The following CTNND2 variants were observed in gnomAD, a reference collection of about 807,000 sequenced individuals.
The protein encoded by CTNND2 is catenin delta 2.
In CTNND2, 22 loss-of-function variants were observed where a neutral mutation model predicts 144.4. The ratio of observed to expected loss-of-function variants is 0.15; its 90% CI spans 0.11 to 0.22. The LOEUF is 0.22. Ranked by LOEUF, CTNND2 falls within the 10% of genes least tolerant of loss-of-function variation. The pLI is 1.00. For synonymous variants in CTNND2, 751 were observed against 695.6 expected (o/e 1.08, Z -1.25); for missense variants, 1,353 against 1,618.8 (o/e 0.84, Z 2.82).
At chr5:11,372,978 T>A (rs1414305062) in intron 7 of CTNND2, among the ~76,000 whole-genome samples, 1 of 152,230 alleles carries the variant, frequency 6.6e-6, no homozygotes, top group African/African-American at 2.4e-5. Context: ...ACTCCTGCTT[T>A]GTTAGGCAAA....
chr5:11,364,776 T>C lies in CTNND2; in HGVS notation c.1292A>G (p.Lys431Arg), dbSNP rs1347994369. The C allele has an allele frequency of 6.2e-7, 1 of 1,613,892 alleles. No homozygotes were observed. The highest frequency in any genetic ancestry group is 1.3e-5 in the African/African-American group (1 of 75,020). ...DPIYEDRVYQ[K>R]PPMRSLSQSQ... The stretch of plus-strand genomic sequence containing the variant: ...CTGGCTGAGACTCCTCATAGGGGGC[T>C]TCTGATAGACGCGGTCTTCATAGAT... The change falls in exon 8 of 22, where the codon AAG becomes AGG. Residue 431 changes from lysine to arginine, a missense_variant. Physicochemically the swap from Lys to Arg is conservative, Grantham distance 26. Coordinates refer to ENST00000304623, the MANE Select transcript of CTNND2 (RefSeq NM_001332.4).
At chr5:11,536,447 T>C (rs1774225848) in intron 3 of CTNND2, among the ~76,000 whole-genome samples, 1 of 152,150 alleles carries the variant, frequency 6.6e-6, no homozygotes, top group Non-Finnish European at 1.5e-5. Flanking sequence ...GCAGCACAGT[T>C]TGCAACTGCA....
chr5:11,003,503 A>G (rs1740173888), intron 18 of CTNND2, among the ~76,000 whole-genome samples: 2 of 152,220 alleles, frequency 1.3e-5, no homozygotes, highest in South Asian at 4.1e-4. Flanking sequence ...AAATATTTCA[A>G]ATTAGTGGCA....
intron 2 of CTNND2, among the ~76,000 whole-genome samples, chr5:11,640,783 G>A (rs573129652): frequency 2.6e-5 from 4 of 152,030 alleles, no homozygotes; most frequent in African/African-American, 9.7e-5. Flanking sequence ...TCTTAGGACT[G>A]CTTAGCTATT....
intron 2 of CTNND2, among the ~76,000 whole-genome samples, chr5:11,691,755 A>C (rs1461999087): frequency 1.3e-5 from 2 of 152,046 alleles, no homozygotes; most frequent in African/African-American, 4.8e-5. Context: ...TATTAGTTGG[A>C]TGTGGTGTTG....
intron 2 of CTNND2, among the ~76,000 whole-genome samples, chr5:11,624,291 A>C (rs2727619): frequency 0.058 from 8,763 of 152,182 alleles, 788 homozygotes; most frequent in African/African-American, 0.2. Context: ...CCAATACTGA[A>C]CAGTAGTCAC....
chr5:11,236,366 G>C (rs1741638261), intron 10 of CTNND2, among the ~76,000 whole-genome samples: 1 of 152,038 alleles, frequency 6.6e-6, no homozygotes, highest in African/African-American at 2.4e-5. Flanking sequence ...AGGATTTAGG[G>C]GCAGAGAAAA....
Position 11,199,578 on chromosome 5 carries a change from A to T in CTNND2, c.1845T>A (p.Ala615=). The change falls in exon 11 of 22, where the codon GCT becomes GCA. Residue 615 remains alanine, a synonymous_variant. Coordinates refer to ENST00000304623, the MANE Select transcript of CTNND2 (RefSeq NM_001332.4). ...CCTTCCCATACACCAGGTTTCTCAG[A>T]GCTCCACAGGCACTACGGTGGACTT... ...MTEVHRSACG[A]LRNLVYGKAN... 6.2e-7 allele frequency: 1 copy of T among 1,614,154 alleles called. No homozygotes were observed. The highest frequency in any genetic ancestry group is 1.1e-5 in the South Asian group (1 of 91,068).
intron 12 of CTNND2, among the ~76,000 whole-genome samples, 183 bp from the exon 13 acceptor site, chr5:11,117,750 T>A (rs1306205124): frequency 6.6e-6 from 1 of 152,136 alleles, no homozygotes; most frequent in Non-Finnish European, 1.5e-5. Context: ...CAGAGTTGGG[T>A]AAGTCACAGA....
chr5:11,379,199 T>C (rs1440215521), intron 7 of CTNND2, among the ~76,000 whole-genome samples: 2 of 152,234 alleles, frequency 1.3e-5, no homozygotes, highest in East Asian at 1.9e-4. Context: ...ACACATTCAA[T>C]AGGATGTCGA....
chr5:11,089,002 G>A (rs967846461), intron 15 of CTNND2, among the ~76,000 whole-genome samples: 2 of 152,188 alleles, frequency 1.3e-5, no homozygotes, highest in Non-Finnish European at 2.9e-5. Context: ...ACTTTCATAA[G>A]AGAACATATG....
In CTNND2 at chr5:11,200,559, C is replaced by T. The variant is rs147777089; in HGVS notation, c.1762-898G>A. ...TTATGCTTCACCGTTCTTCAGGGAT[C>T]GAAGGATTAGCATCTTCTCTACTTA... On this transcript the variant is annotated intron_variant, in intron 10 of 21. Coordinates refer to ENST00000304623, the MANE Select transcript of CTNND2 (RefSeq NM_001332.4). 5.5e-3 allele frequency among the ~76,000 whole-genome samples: 845 copies of T among 152,280 alleles called. 8 individuals are homozygous for T. The highest frequency in any genetic ancestry group is 8.4e-3 in the Non-Finnish European group (572 of 68,012).
rs144518376 is a variant in CTNND2, at chr5:11,779,952, C to G, written c.38-47680G>C. On this transcript the variant is annotated intron_variant, in intron 1 of 21. Transcript: ENST00000304623. ...TTTCCCTGCAACTGCCCTCTCTCTT[C>G]TCTCTTTTATCCCACTAGGATTGGG... Among the ~76,000 whole-genome samples the G allele has an allele frequency of 5.2e-3, 785 of 152,306 alleles. 3 individuals carry two copies. The highest frequency in any genetic ancestry group is 8.5e-3 in the Non-Finnish European group (578 of 68,032).
intron 7 of CTNND2, among the ~76,000 whole-genome samples, chr5:11,378,203 T>C (rs145835885): frequency 2.6e-5 from 4 of 152,258 alleles, no homozygotes; most frequent in Admixed American, 6.5e-5. Context: ...ACTCCCCAAG[T>C]GTGTTGAGGT....
At position 11,486,379 on chromosome 5, in the gene CTNND2, T is replaced by A. The variant is rs143347171; in HGVS notation, c.288-74310A>T. ...GATCGCACTAGGTGATAATATCCAG[T>A]GCTAATCTGCATGGGGCCTGGATGG... On this transcript the variant is annotated intron_variant, in intron 3 of 21. Coordinates refer to ENST00000304623, the MANE Select transcript of CTNND2 (RefSeq NM_001332.4). 1.3e-4 allele frequency among the ~76,000 whole-genome samples: 20 copies of A among 152,330 alleles called. 1 individual carries two copies. In the East Asian group the frequency reaches 3.9e-3, roughly 29 times the overall value.
At chr5:11,687,748 C>T (rs1418232571) in intron 2 of CTNND2, among the ~76,000 whole-genome samples, 1 of 152,156 alleles carries the variant, frequency 6.6e-6, no homozygotes, top group East Asian at 1.9e-4. Flanking sequence ...TGGAGACAGA[C>T]ACTGACAAGT....
chr5:11,385,440 G>A (rs925115697), intron 6 of CTNND2, among the ~76,000 whole-genome samples: 6 of 152,172 alleles, frequency 3.9e-5, no homozygotes, highest in African/African-American at 7.2e-5. Context: ...GCACAGGCCA[G>A]CTGACTACTG....
At chr5:10,998,500 C>A (rs1739582949) in intron 18 of CTNND2, among the ~76,000 whole-genome samples, 1 of 152,300 alleles carries the variant, frequency 6.6e-6, no homozygotes, top group African/African-American at 2.4e-5. Flanking sequence ...AAGAGGTGAT[C>A]TTCTCCATCT....
At chr5:11,767,976 C>A (rs1362123445) in intron 1 of CTNND2, among the ~76,000 whole-genome samples, 1 of 152,170 alleles carries the variant, frequency 6.6e-6, no homozygotes. Flanking sequence ...AAATTCTTAA[C>A]TGTAATACAA....
Sources: gnomAD v4.1 joint callset for allele counts (sites outside exome capture counted in the v4.1 genomes callset) on GRCh38, gnomAD v4.1.1 for gene constraint, MANE v1.5 for transcripts, NCBI Gene and HGNC (gene_info 2026-07-23, HGNC 2026-07-21) for gene names.